POLRMT: variants seen among roughly 807,000 people sequenced by gnomAD.
The protein encoded by POLRMT is RNA polymerase mitochondrial.
POLRMT carries 114 observed loss-of-function variants against 132.2 expected under a neutral mutation model. The observed-to-expected ratio is 0.86, with a 90% CI of 0.74 to 1.01. POLRMT has a LOEUF of 1.01. Ranked by LOEUF, POLRMT falls within the 50% of genes least tolerant of loss-of-function variation. POLRMT has a pLI of 0.00. For missense variants in POLRMT, 2,003 were observed against 1,729.1 expected (o/e 1.16, Z -2.81); for synonymous variants, 1,020 against 773.4 (o/e 1.32, Z -5.29).
chr19:626,651 A>T (rs1362967510), intron 3 of POLRMT, among the ~76,000 whole-genome samples: 1 of 126,036 alleles, frequency 7.9e-6, no homozygotes, highest in African/African-American at 3.3e-5. Context: ...AAAAAAAATT[A>T]GCTGGGCGTG....
chr19:622,980 C>G lies in POLRMT; in HGVS notation c.1296G>C (p.Lys432Asn). 6.2e-7 allele frequency: 1 copy of G among 1,612,380 alleles called. No homozygotes were observed. Among genetic ancestry groups the G allele is most frequent in the Non-Finnish European group, 8.5e-7 (1 of 1,179,682 alleles). Residue 432 changes from lysine (K) to asparagine (N), a missense_variant, in exon 7 of 21, where the codon AAG becomes AAC. By Grantham distance (94) the Lys-to-Asn change is moderately conservative. Transcript: ENST00000588649. ...ATTGGTCCCGCAGGGTCTTCAGGGT[C>G]TTCCGCTGCGGGGGATGAACGGGCC... The part of the protein sequence containing the change: ...LPSKEVKHAR[K>N]TLKTLRDQWE...
At position 622,203 on chromosome 19, in the gene POLRMT, G is replaced by A. The variant is rs146362762; in HGVS notation, c.1797C>T (p.Ser599=). 1,095 of 1,583,856 alleles carry A rather than the reference G, an allele frequency of 6.9e-4. 8 individuals are homozygous for A. In the African/African-American group the frequency reaches 0.013, roughly 18 times the overall value. Residue 599 remains serine, a synonymous_variant, in exon 9 of 21, where the codon TCC becomes TCT. Coordinates refer to ENST00000588649, the MANE Select transcript of POLRMT (RefSeq NM_005035.4). ...GGTAGAGCACGGGGACAAGCCGAGA[G>A]GAACGATGCGGCTTGTCCAGGCTGC... ...MPCSLDKPHR[S]SRLVPVLYHV...
chr19:632,752 T>A, intron 2 of POLRMT, 82 bp downstream of exon 2: 6 of 1,262,432 alleles, frequency 4.8e-6, no homozygotes, highest in Non-Finnish European at 5.4e-6. Flanking sequence ...TCAGCCTGTC[T>A]CAGAATCTGA....
chr19:618,835 T>A, intron 15 of POLRMT, 75 bp from the exon 16 acceptor site: 2 of 1,492,114 alleles, frequency 1.3e-6, no homozygotes, highest in Non-Finnish European at 1.8e-6. Flanking sequence ...GGTGGTACAC[T>A]GGGGTAGTGG....
chr19:624,943 C>A, intron 4 of POLRMT, 38 bp from the exon 5 acceptor site: 1 of 1,576,404 alleles, frequency 6.3e-7, no homozygotes, highest in Non-Finnish European at 8.6e-7. Context: ...ACGGGCCAGC[C>A]CCACGCTGGG....
rs748707391 is a variant in POLRMT, at chr19:622,826, G to C, written c.1450C>G (p.Leu484Val). Residue 484 changes from leucine (L) to valine (V), a missense_variant, in exon 7 of 21, where the codon CTG becomes GTG. Leu to Val is a conservative substitution (Grantham distance 32). Transcript: ENST00000588649. ...CCGCGCGGAGGAAGACGCACCTGCA[G>C]GAGCATCCGCACCACCTCGCGCTCG... ...LDEREVVRML[L>V]QVLQALPAQG... The C allele has an allele frequency of 1.9e-6, 3 of 1,593,364 alleles. No individual in the cohort carries two copies. The highest frequency in any genetic ancestry group is 2.3e-5 in the East Asian group (1 of 43,654).
Position 632,892 on chromosome 19 carries a change from G to A in POLRMT, c.135C>T (p.Ser45=). 1 of 1,543,830 alleles carries A rather than the reference G, an allele frequency of 6.5e-7. No homozygotes were observed. The highest frequency in any genetic ancestry group is 8.7e-7 in the Non-Finnish European group (1 of 1,149,330). Residue 45 remains serine (S), a synonymous_variant, in exon 2 of 21, where the codon AGC becomes AGT. Transcript: ENST00000588649. ...TGCGGTCTTGGTCTTGCTCCTGGGG[G>A]CTGGCGGACGAGCTCCTCCTGGGGC... ...VCGPRRSSSA[S]PQEQDQDRRK... is the part of the protein sequence containing the mutation.
rs927520269 is a variant in POLRMT at position 630,185 on chromosome 19, G to A, written c.194-17C>T. On this transcript the variant is annotated splice_polypyrimidine_tract_variant and intron_variant, in intron 2 of 20. Coordinates refer to ENST00000588649, the MANE Select transcript of POLRMT (RefSeq NM_005035.4). ...CCTGGAGCACTGTGAGGGGCAGAAG[G>A]CGAGGACATGAGAGGGACCCCCTCC... is the stretch of plus-strand genomic sequence containing the variant. The A allele has an allele frequency of 1.3e-6, 2 of 1,565,236 alleles. No individual in the cohort carries two copies. The highest frequency in any genetic ancestry group is 1.8e-5 in the Admixed American group (1 of 56,320).
intron 2 of POLRMT, among the ~76,000 whole-genome samples, chr19:632,394 C>G (rs1232498803): frequency 6.6e-6 from 1 of 152,236 alleles, no homozygotes; most frequent in Non-Finnish European, 1.5e-5. Flanking sequence ...GGCCTGCCAC[C>G]GCTGGAGCCT....
At chr19:617,896 C>A in intron 17 of POLRMT, 47 bp from the exon 18 acceptor site, 1 of 1,557,862 alleles carries the variant, frequency 6.4e-7, no homozygotes, top group Non-Finnish European at 8.8e-7. Context: ...CTCACAGGGC[C>A]ACCCAGTGAC....
Position 623,628 on chromosome 19 carries a change from T to G in POLRMT, c.1141-25A>C, listed in dbSNP as rs750378915. Reference sequence around the variant, plus strand: ...CCTGCAGGGATGGGGGTAGTGAGGTTGGGGGCTTGCCAGAGGGCGACCTGC... The same window carrying G: ...CCTGCAGGGATGGGGGTAGTGAGGTGGGGGGCTTGCCAGAGGGCGACCTGC... On this transcript the variant is annotated intron_variant, in intron 5 of 20. Coordinates refer to ENST00000588649, the MANE Select transcript of POLRMT (RefSeq NM_005035.4). 5.6e-6 allele frequency: 9 copies of G among 1,608,380 alleles called. 1 individual carries two copies. In the South Asian group the frequency reaches 8.8e-5, roughly 16 times the overall value.
rs1984948899 is a variant in POLRMT, at chr19:625,311, C to T, written c.823-57G>A. The T allele has an allele frequency of 3.1e-6, 5 of 1,602,246 alleles. No homozygotes were observed. In the African/African-American group the frequency reaches 4.0e-5, roughly 13 times the overall value. On this transcript the variant is annotated intron_variant, in intron 3 of 20. Coordinates refer to ENST00000588649, the MANE Select transcript of POLRMT (RefSeq NM_005035.4). The stretch of plus-strand genomic sequence containing the variant: ...GGGATGGCCCAACCTCCACATCCTC[C>T]CTGCTCCCTGGAGACCCCTTCTCTG...
intron 2 of POLRMT, among the ~76,000 whole-genome samples, chr19:632,237 G>T (rs922257872): frequency 2.6e-5 from 4 of 152,196 alleles, no homozygotes; most frequent in African/African-American, 9.6e-5. Context: ...ACCTGGCCAG[G>T]TTTTTTCCCT....
chr19:630,683 AC>A (rs944403475), intron 2 of POLRMT, among the ~76,000 whole-genome samples: 2 of 150,408 alleles, frequency 1.3e-5, no homozygotes, highest in Admixed American at 6.6e-5. Context: ...CCTCAGCAAG[AC>A]CCCCCCAGCT....
At position 622,845 on chromosome 19, in the gene POLRMT, G is replaced by C. The variant is rs779668163; in HGVS notation, c.1431C>G (p.Arg477=). 3.4e-5 allele frequency: 54 copies of C among 1,602,426 alleles called. No individual in the cohort carries two copies. Among genetic ancestry groups the C allele is most frequent in the Non-Finnish European group, 4.5e-5 (53 of 1,175,452 alleles). ...LYPFLCLLDE[R]EVVRMLLQVL... is the part of the protein sequence containing the mutation. ...CCTGCAGGAGCATCCGCACCACCTCGCGCTCGTCCAGCAGGCACAGGAAGG... is the reference window on the plus strand; with the variant it reads ...CCTGCAGGAGCATCCGCACCACCTCCCGCTCGTCCAGCAGGCACAGGAAGG... The change falls in exon 7 of 21, where the codon CGC becomes CGG. Residue 477 remains arginine (R), a synonymous_variant. Transcript: ENST00000588649.
At position 620,447 on chromosome 19, in the gene POLRMT, G is replaced by C; in HGVS notation, c.2681C>G (p.Thr894Arg). The change falls in exon 11 of 21, where the codon ACG (threonine) becomes AGG (arginine). Residue 894 changes from threonine to arginine, a missense_variant. Coordinates refer to ENST00000588649, the MANE Select transcript of POLRMT (RefSeq NM_005035.4). ...CGCCACCTCCATACAGCAGGCCAGC[G>C]TCTGCCAGGGTTCCTCCGCGCCCAT... The part of the protein sequence containing the change: ...WWMGAEEPWQ[T>R]LACCMEVANA... 2 of 1,600,176 alleles carry C rather than the reference G, an allele frequency of 1.2e-6. No homozygotes were observed. Among genetic ancestry groups the C allele is most frequent in the Non-Finnish European group, 1.7e-6 (2 of 1,173,598 alleles).
Position 622,195 on chromosome 19 carries a change from A to G in POLRMT, c.1805T>C (p.Leu602Pro). ...SLDKPHRSSR[L>P]VPVLYHVYSF... ...ATACACGTGGTAGAGCACGGGGACA[A>G]GCCGAGAGGAACGATGCGGCTTGTC... The change falls in exon 9 of 21, where the codon CTT becomes CCT. Residue 602 changes from leucine (L) to proline (P), a missense_variant. Leu to Pro is a moderately conservative substitution (Grantham distance 98, BLOSUM62 -3). Coordinates refer to ENST00000588649, the MANE Select transcript of POLRMT (RefSeq NM_005035.4). 1 of 1,583,690 alleles carries G rather than the reference A, an allele frequency of 6.3e-7. No individual in the cohort carries two copies. Among genetic ancestry groups the G allele is most frequent in the Non-Finnish European group, 8.6e-7 (1 of 1,167,030 alleles).
chr19:632,733 A>AG (rs1985513609), intron 2 of POLRMT, 101 bp downstream of exon 2: 1 of 1,022,632 alleles, frequency 9.8e-7, no homozygotes, highest in Non-Finnish European at 1.4e-6. Context: ...CGAGAGGTGG[A>AG]GACCGCCCTC....
intron 1 of POLRMT, 32 bp downstream of exon 1, chr19:633,393 C>G (rs750989648): frequency 6.7e-7 from 1 of 1,488,308 alleles, no homozygotes. Flanking sequence ...GCCGTGGCCC[C>G]CGGGCTGCCT....
Sources: allele counts gnomAD v4.1 joint callset (sites outside exome capture counted in the v4.1 genomes callset), GRCh38; gene constraint gnomAD v4.1.1; transcripts MANE v1.5; gene names NCBI Gene and HGNC (gene_info 2026-07-23, HGNC 2026-07-21).